The following PTPRT variants were observed in gnomAD, a reference collection of about 807,000 sequenced individuals.
PTPRT encodes the protein receptor-type tyrosine-protein phosphatase T.
Under a neutral mutation model 176.8 loss-of-function variants are expected in PTPRT, and 56 were observed. The ratio of observed to expected loss-of-function variants is 0.32; its 90% CI spans 0.26 to 0.40. The LOEUF (loss-of-function observed/expected upper bound fraction) is 0.40, where lower values mean the gene tolerates loss of function less well. Ranked by LOEUF, PTPRT falls within the 10% of genes least tolerant of loss-of-function variation. The pLI is 1.00. For synonymous variants in PTPRT, 783 were observed against 739.0 expected (o/e 1.06, Z -0.96); for missense variants, 1,540 against 1,908.2 (o/e 0.81, Z 3.60).
rs1162839407 is a variant in PTPRT, at chr20:43,147,212, T to C, written c.88+42434A>G. 4.6e-5 allele frequency among the ~76,000 whole-genome samples: 7 copies of C among 152,130 alleles called. No individual in the cohort carries two copies. The East Asian group carries it at 1.4e-3, about 29-fold the overall frequency. On this transcript the variant is annotated intron_variant, in intron 1 of 30. Transcript: ENST00000373187. ...CCCAAGATGAAACTGTGTCCTCCTA[T>C]GTGCCCTGCAGCTTGGAGCTTAGTA... is the stretch of plus-strand genomic sequence containing the variant.
At chr20:42,321,406 C>T (rs964272873) in intron 11 of PTPRT, among the ~76,000 whole-genome samples, 2 of 152,194 alleles carry the variant, frequency 1.3e-5, no homozygotes, top group African/African-American at 4.8e-5. Context: ...GCTACAAAAT[C>T]ATAAACCTAG....
chr20:42,427,741 A>C (rs983881033), intron 9 of PTPRT, among the ~76,000 whole-genome samples: 7 of 152,142 alleles, frequency 4.6e-5, no homozygotes, highest in Non-Finnish European at 1.0e-4. Context: ...GAAGTAACTG[A>C]AGATCCACAA....
At chr20:42,122,728 C>T (rs2146340159) in intron 19 of PTPRT, among the ~76,000 whole-genome samples, 1 of 152,330 alleles carries the variant, frequency 6.6e-6, no homozygotes, top group East Asian at 1.9e-4. Flanking sequence ...CATGAGCTTC[C>T]TCTTGCACAC....
intron 15 of PTPRT, among the ~76,000 whole-genome samples, chr20:42,203,620 C>T (rs1465963012): frequency 6.6e-6 from 1 of 152,220 alleles, no homozygotes; most frequent in African/African-American, 2.4e-5. Context: ...ATTTTCTCCT[C>T]TTGCTTGACT....
chr20:43,133,484 G>A (rs1179913379), intron 1 of PTPRT, among the ~76,000 whole-genome samples: 4 of 152,144 alleles, frequency 2.6e-5, no homozygotes, highest in South Asian at 2.1e-4. Flanking sequence ...GGTGGCTCAC[G>A]CCTGTAATCC....
intron 11 of PTPRT, among the ~76,000 whole-genome samples, chr20:42,336,826 A>C (rs1041492311): frequency 2.4e-4 from 37 of 152,324 alleles, no homozygotes; most frequent in African/African-American, 8.4e-4. Flanking sequence ...ATGGCTGTGG[A>C]TTAGCTAAAA....
chr20:42,624,005 C>CAAAAAAAA (rs1159094345), intron 7 of PTPRT, among the ~76,000 whole-genome samples: 12 of 135,752 alleles, frequency 8.8e-5, no homozygotes, highest in African/African-American at 3.8e-4. Flanking sequence ...AAAACAATAG[C>CAAAAAAAA]AACAAACAAA....
chr20:42,175,123 T>C (rs1266422901), intron 16 of PTPRT, among the ~76,000 whole-genome samples: 1 of 152,172 alleles, frequency 6.6e-6, no homozygotes, highest in Non-Finnish European at 1.5e-5. Flanking sequence ...AAATAAGGCA[T>C]GAGAACTTTT....
chr20:42,369,215 A>G (rs984368253), intron 9 of PTPRT, among the ~76,000 whole-genome samples: 1 of 152,046 alleles, frequency 6.6e-6, no homozygotes, highest in African/African-American at 2.4e-5. Flanking sequence ...CTCCCACCTC[A>G]GTCTCCAGAG....
intron 26 of PTPRT, among the ~76,000 whole-genome samples, chr20:42,101,036 C>G (rs1211134857): frequency 6.6e-6 from 1 of 152,176 alleles, no homozygotes; most frequent in Non-Finnish European, 1.5e-5. Context: ...GGCCTTGACC[C>G]CAGGAGAAAG....
chr20:42,676,074 G>A lies in PTPRT; in HGVS notation c.1153+1792C>T, dbSNP rs539510534. ...GCACTTTTTCTGCAGTGTTAACAAT[G>A]TCATCTTCATTGGTGGTATCGTGTT... On this transcript the variant is annotated intron_variant, in intron 7 of 30. Transcript: ENST00000373187. Among the ~76,000 whole-genome samples the A allele has an allele frequency of 3.3e-5, 5 of 152,268 alleles. No individual in the cohort carries two copies. The East Asian group carries it at 9.7e-4, about 29-fold the overall frequency.
chr20:42,202,155 A>G (rs569743813), intron 15 of PTPRT, among the ~76,000 whole-genome samples: 1 of 152,216 alleles, frequency 6.6e-6, no homozygotes, highest in South Asian at 2.1e-4. Flanking sequence ...AATTTAGTAG[A>G]GACAGCGTTT....
chr20:43,034,823 G>C (rs942051967), intron 1 of PTPRT, among the ~76,000 whole-genome samples: 1 of 151,926 alleles, frequency 6.6e-6, no homozygotes, highest in Non-Finnish European at 1.5e-5. Context: ...TCCGGAACCG[G>C]GTTTTGTCTG....
At chr20:42,912,099 G>T (rs1978431701) in intron 1 of PTPRT, among the ~76,000 whole-genome samples, 1 of 149,842 alleles carries the variant, frequency 6.7e-6, no homozygotes, top group Non-Finnish European at 1.5e-5. Context: ...TAAGGTCAAA[G>T]GGCAAGCACA....
chr20:42,918,773 T>C (rs1243136636), intron 1 of PTPRT, among the ~76,000 whole-genome samples: 1 of 152,174 alleles, frequency 6.6e-6, no homozygotes, highest in Non-Finnish European at 1.5e-5. Flanking sequence ...CAGACAGTGC[T>C]TGCCCAGATG....
At chr20:42,917,960 T>C (rs1467459711) in intron 1 of PTPRT, among the ~76,000 whole-genome samples, 1 of 152,194 alleles carries the variant, frequency 6.6e-6, no homozygotes, top group African/African-American at 2.4e-5. Flanking sequence ...TTGCCATTCC[T>C]TGGGCTAAAT....
intron 8 of PTPRT, among the ~76,000 whole-genome samples, chr20:42,449,659 G>A (rs1313447114): frequency 6.6e-6 from 1 of 152,170 alleles, no homozygotes; most frequent in Admixed American, 6.5e-5. Flanking sequence ...AAGTTGTAAA[G>A]AGGGAACTAA....
At chr20:42,670,939 C>A (rs2075402289) in intron 7 of PTPRT, among the ~76,000 whole-genome samples, 1 of 152,120 alleles carries the variant, frequency 6.6e-6, no homozygotes, top group Admixed American at 6.5e-5. Flanking sequence ...GCAAAACTTA[C>A]AAGTGGGTGT....
chr20:42,898,384 T>G lies in PTPRT; in HGVS notation c.89-12452A>C, dbSNP rs208211. On this transcript the variant is annotated intron_variant, in intron 1 of 30. Transcript: ENST00000373187. ...CCACCAAACTTGGCTAATTTTTAAA[T>G]TTTTTGTAGAGATGGGTTCTTCCTA... is the stretch of plus-strand genomic sequence containing the variant. Among the ~76,000 whole-genome samples the G allele has an allele frequency of 3.8e-3, 579 of 152,240 alleles. 6 individuals are homozygous for G. Among genetic ancestry groups the G allele is most frequent in the African/African-American group, 0.013 (540 of 41,568 alleles).
Sources: allele counts gnomAD v4.1 joint callset (sites outside exome capture counted in the v4.1 genomes callset), GRCh38; gene constraint gnomAD v4.1.1; transcripts MANE v1.5; gene names NCBI Gene and HGNC (gene_info 2026-07-23, HGNC 2026-07-21).